Variants in ATP8A2 observed in about 807,000 individuals in gnomAD.
ATP8A2 encodes the protein phospholipid-transporting ATPase IB.
In ATP8A2, 100 loss-of-function variants were observed where a neutral mutation model predicts 165.6. That is an observed-to-expected ratio of 0.60 (90% CI 0.51 to 0.71). The LOEUF is 0.71. ATP8A2 is among the 30% of genes least tolerant of loss of function. ATP8A2 has a pLI of 0.00. For missense variants in ATP8A2, 1,227 were observed against 1,479.5 expected (o/e 0.83, Z 2.80); for synonymous variants, 543 against 548.8 (o/e 0.99, Z 0.15).
rs1409239026 is a variant in ATP8A2, at chr13:25,825,580, G to T, written c.2680-2538G>T. Among the ~76,000 whole-genome samples, 4 of 152,092 alleles carry T rather than the reference G, an allele frequency of 2.6e-5. No homozygotes were observed. In the South Asian group the frequency reaches 8.3e-4, roughly 32 times the overall value. On this transcript the variant is annotated intron_variant, in intron 27 of 36. Transcript: ENST00000381655. ...TTTTTGGTCAATTGTTTGAATAGGA[G>T]AACTCAGAATTATGGCACAGTCTTG...
intron 24 of ATP8A2, among the ~76,000 whole-genome samples, chr13:25,643,564 T>C (rs1365922987): frequency 1.3e-5 from 2 of 152,126 alleles, no homozygotes; most frequent in Non-Finnish European, 2.9e-5. Flanking sequence ...TTGGCACCAG[T>C]GTTGAAATCA....
At chr13:25,748,099 G>A (rs1238687609) in intron 25 of ATP8A2, among the ~76,000 whole-genome samples, 1 of 152,178 alleles carries the variant, frequency 6.6e-6, no homozygotes, top group Non-Finnish European at 1.5e-5. Flanking sequence ...AGATATATTT[G>A]TATCATCATA....
chr13:25,635,452 C>T (rs371923449), intron 24 of ATP8A2, among the ~76,000 whole-genome samples: 31 of 152,232 alleles, frequency 2.0e-4, no homozygotes, highest in African/African-American at 7.0e-4. Context: ...TGTGACGTCT[C>T]GAGACTCCCC....
chr13:25,812,784 A>C (rs564421304), intron 27 of ATP8A2, among the ~76,000 whole-genome samples: 2 of 152,238 alleles, frequency 1.3e-5, no homozygotes, highest in South Asian at 2.1e-4. Flanking sequence ...TGACTCTTCA[A>C]GAAATCCTTG....
chr13:25,511,890 C>G (rs1281052658), intron 2 of ATP8A2, among the ~76,000 whole-genome samples: 1 of 140,732 alleles, frequency 7.1e-6, no homozygotes, highest in Non-Finnish European at 1.6e-5. Flanking sequence ...CTGTGGAACT[C>G]TTTTTTTTTT....
intron 24 of ATP8A2, among the ~76,000 whole-genome samples, chr13:25,652,950 A>G (rs2041847319): frequency 6.6e-6 from 1 of 152,174 alleles, no homozygotes; most frequent in Admixed American, 6.5e-5. Context: ...CTTCCCCAGG[A>G]TGTTCCTTCA....
At chr13:25,761,598 A>G (rs217900) in intron 25 of ATP8A2, among the ~76,000 whole-genome samples, 149,819 of 151,608 alleles carry the variant, frequency 0.99, 74,048 homozygotes, top group East Asian at 1. Context: ...GGCAACATAA[A>G]GAGATCCTGT....
At chr13:26,015,340 G>A (rs935650982) in intron 36 of ATP8A2, among the ~76,000 whole-genome samples, 24 of 152,094 alleles carry the variant, frequency 1.6e-4, no homozygotes, top group African/African-American at 4.8e-4. Context: ...TTGATGTTCC[G>A]CCTGGGTCTG....
chr13:25,803,989 C>A (rs748212469), intron 27 of ATP8A2, among the ~76,000 whole-genome samples: 5 of 152,180 alleles, frequency 3.3e-5, no homozygotes, highest in Non-Finnish European at 5.9e-5. Context: ...CTTCTGTTTT[C>A]TGTGTTGGAA....
At chr13:25,468,689 A>C (rs1190143715) in intron 1 of ATP8A2, 3 of 340,646 alleles carry the variant, frequency 8.8e-6, no homozygotes, top group African/African-American at 2.2e-5. Context: ...CCCTGCAGGG[A>C]GGGAGCGCAG....
In ATP8A2 at chr13:25,450,594, T is replaced by C. The variant is rs201512175; in HGVS notation, c.77-18383T>C. Among the ~76,000 whole-genome samples the C allele has an allele frequency of 2.5e-3, 379 of 152,154 alleles. 5 individuals are homozygous for C. Among genetic ancestry groups the C allele is most frequent in the African/African-American group, 3.9e-3 (162 of 41,512 alleles). ...TCGCCCAGGCTGGAGTGCAGTGGTG[T>C]GATCTCGGCTCACTGCAAGCTCCGC... On this transcript the variant is annotated intron_variant, in intron 1 of 36. Transcript: ENST00000381655.
At chr13:25,780,912 C>T (rs2044860836) in intron 27 of ATP8A2, among the ~76,000 whole-genome samples, 1 of 152,110 alleles carries the variant, frequency 6.6e-6, no homozygotes, top group South Asian at 2.1e-4. Flanking sequence ...CAGTCCAGTC[C>T]GTGGCCCAGG....
intron 24 of ATP8A2, among the ~76,000 whole-genome samples, chr13:25,646,763 T>G (rs79444837): frequency 0.034 from 5,248 of 152,166 alleles, 156 homozygotes; most frequent in East Asian, 0.13. Flanking sequence ...AGGCAAGGAC[T>G]TAGTATTTTG....
At chr13:25,620,706 G>C (rs2040945823) in intron 24 of ATP8A2, among the ~76,000 whole-genome samples, 1 of 152,118 alleles carries the variant, frequency 6.6e-6, no homozygotes, top group African/African-American at 2.4e-5. Context: ...TAATTTTCAA[G>C]CACAGTTTTA....
chr13:26,022,429 A>G lies in ATP8A2; in HGVS notation c.*2444A>G, dbSNP rs1957093696. 1.3e-5 allele frequency: 2 copies of G among 152,148 alleles called. No individual in the cohort carries two copies. The highest frequency in any genetic ancestry group is 1.3e-4 in the Admixed American group (2 of 15,266). 9.4% of individuals were successfully genotyped at this position (152,148 alleles called of 1,614,324 possible). On this transcript the variant is annotated 3_prime_UTR_variant, in exon 37 of 37. Coordinates refer to ENST00000381655, the MANE Select transcript of ATP8A2 (RefSeq NM_016529.6). ...TTGGGGTTTTTGTTTCTTACATTAG[A>G]GTTCATATTTTCTGGGATTTAAGGA...
intron 25 of ATP8A2, among the ~76,000 whole-genome samples, chr13:25,726,331 G>C (rs1415540284): frequency 6.6e-6 from 1 of 152,158 alleles, no homozygotes; most frequent in African/African-American, 2.4e-5. Context: ...CAAGTGAAGG[G>C]CACCTGGACG....
At chr13:25,499,166 A>G (rs2036772035) in intron 2 of ATP8A2, among the ~76,000 whole-genome samples, 2 of 152,160 alleles carry the variant, frequency 1.3e-5, no homozygotes, top group Admixed American at 1.3e-4. Flanking sequence ...CAGGCCAACT[A>G]TGGGCCCAGA....
intron 33 of ATP8A2, chr13:25,871,320 C>T (rs1952672880): frequency 8.2e-6 from 2 of 243,244 alleles, no homozygotes; most frequent in Non-Finnish European, 1.7e-5. Context: ...GTATGTGGGC[C>T]ACTCTTATTA....
At chr13:25,955,441 G>A (rs1404396787) in intron 33 of ATP8A2, among the ~76,000 whole-genome samples, 1 of 152,136 alleles carries the variant, frequency 6.6e-6, no homozygotes, top group Non-Finnish European at 1.5e-5. Flanking sequence ...TGATCAAGGG[G>A]ATATCACCAC....
Sources: allele counts gnomAD v4.1 joint callset (sites outside exome capture counted in the v4.1 genomes callset), GRCh38; gene constraint gnomAD v4.1.1; transcripts MANE v1.5; gene names NCBI Gene and HGNC (gene_info 2026-07-23, HGNC 2026-07-21).